NNMT: variants seen among roughly 807,000 people sequenced by gnomAD.
NNMT encodes the protein nicotinamide N-methyltransferase.
In NNMT, 10 loss-of-function variants were observed where a neutral mutation model predicts 11.7. That is an observed-to-expected ratio of 0.85 (90% CI 0.53 to 1.45). NNMT has a LOEUF of 1.45. Among genes scored for constraint, NNMT ranks in the 40% most tolerant of loss-of-function variants. NNMT has a pLI of 0.00. For missense variants in NNMT, 381 were observed against 319.4 expected, an observed-to-expected ratio of 1.19 and a Z score of -1.47; for synonymous variants, 143 against 133.8, an observed-to-expected ratio of 1.07 and a Z score of -0.48.
At chr11:114,297,339 A>G (rs1374548406) in intron 1 of NNMT, 2 of 151,332 alleles carry the variant, frequency 1.3e-5, no homozygotes, top group African/African-American at 4.9e-5. Flanking sequence ...TTTCTTTTTG[A>G]CTTTAAATTT....
At chr11:114,260,986 A>T (rs1470087922) in intron 1 of NNMT, among the ~76,000 whole-genome samples, 1 of 152,200 alleles carries the variant, frequency 6.6e-6, no homozygotes, top group Non-Finnish European at 1.5e-5. Flanking sequence ...ACCCATCCTC[A>T]GGACAATTGT....
At chr11:114,264,976 C>T (rs1267621429) in intron 2 of NNMT, among the ~76,000 whole-genome samples, 1 of 152,114 alleles carries the variant, frequency 6.6e-6, no homozygotes, top group African/African-American at 2.4e-5. Flanking sequence ...TTTATGGAAG[C>T]TTCATTATAT....
At chr11:114,307,788 C>G (rs1395185475) in intron 2 of NNMT, among the ~76,000 whole-genome samples, 2 of 151,972 alleles carry the variant, frequency 1.3e-5, no homozygotes, top group African/African-American at 2.4e-5. Flanking sequence ...CTCCCGCCCT[C>G]CCTGCTTGCT....
At chr11:114,288,165 T>A (rs960946297) in intron 2 of NNMT, among the ~76,000 whole-genome samples, 2 of 152,206 alleles carry the variant, frequency 1.3e-5, no homozygotes, top group Admixed American at 1.3e-4. Flanking sequence ...TGTTATCTGC[T>A]AATAGTAACA....
chr11:114,294,080 A>C (rs770734033), upstream of NNMT, among the ~76,000 whole-genome samples: 1 of 152,176 alleles, frequency 6.6e-6, no homozygotes, highest in Non-Finnish European at 1.5e-5. Context: ...GGGAGCTAAA[A>C]ACTAAAATAA....
At chr11:114,268,960 G>C (rs1257299215) in intron 2 of NNMT, among the ~76,000 whole-genome samples, 2 of 152,076 alleles carry the variant, frequency 1.3e-5, no homozygotes, top group African/African-American at 4.8e-5. Context: ...ATGGCCAGAA[G>C]AAAAATTTCT....
upstream of NNMT, among the ~76,000 whole-genome samples, chr11:114,291,535 G>A (rs1416462964): frequency 6.6e-6 from 1 of 152,020 alleles, no homozygotes; most frequent in Non-Finnish European, 1.5e-5. Flanking sequence ...TGTTTCTGAG[G>A]TCTGGTTGTG....
chr11:114,296,636 T>A lies in NNMT; in HGVS notation c.80T>A (p.Phe27Tyr). ...PRDYLEKYYK[F>Y]GSRHSAESQI... ...GATTACCTAGAAAAATATTACAAGT[T>A]TGGTTCTAGGCACTCTGCAGAAAGC... The change falls in exon 1 of 3, where the codon TTT becomes TAT. Residue 27 changes from phenylalanine to tyrosine, a missense_variant. By Grantham distance (22) the Phe-to-Tyr change is conservative (BLOSUM62 3). Coordinates refer to ENST00000299964, the MANE Select transcript of NNMT (RefSeq NM_006169.3). 1 of 1,614,144 alleles carries A rather than the reference T, an allele frequency of 6.2e-7. No individual in the cohort carries two copies. Among genetic ancestry groups the A allele is most frequent in the Non-Finnish European group, 8.5e-7 (1 of 1,180,012 alleles).
In NNMT at chr11:114,296,639, G is replaced by T. The variant is rs1220876738; in HGVS notation, c.83G>T (p.Gly28Val). 3.7e-6 allele frequency: 6 copies of T among 1,614,018 alleles called. No homozygotes were observed. The East Asian group carries it at 8.9e-5, about 24-fold the overall frequency. Reference protein sequence around the residue: ...RDYLEKYYKFGSRHSAESQIL... With the variant: ...RDYLEKYYKFVSRHSAESQIL... ...TACCTAGAAAAATATTACAAGTTTG[G>T]TTCTAGGCACTCTGCAGAAAGCCAG... Residue 28 changes from glycine to valine, a missense_variant, in exon 1 of 3, where the codon GGT becomes GTT. Transcript: ENST00000299964.
intron 1 of NNMT, among the ~76,000 whole-genome samples, chr11:114,261,515 T>C (rs764552524): frequency 6.6e-6 from 1 of 152,002 alleles, no homozygotes; most frequent in Non-Finnish European, 1.5e-5. Flanking sequence ...ACCCGGGAGA[T>C]GGAGGTTGCG....
chr11:114,299,855 C>T (rs547557662), intron 2 of NNMT, among the ~76,000 whole-genome samples: 2 of 147,848 alleles, frequency 1.4e-5, no homozygotes, highest in African/African-American at 5.0e-5. Context: ...CTGTAGTGAT[C>T]TCTCCTCTTT....
Position 114,312,159 on chromosome 11 carries a change from C to T in NNMT, c.477C>T (p.Cys159=), listed in dbSNP as rs144377328. 22 of 1,614,046 alleles carry T rather than the reference C, an allele frequency of 1.4e-5. No individual in the cohort carries two copies. Among genetic ancestry groups the T allele is most frequent in the East Asian group, 4.5e-5 (2 of 44,894 alleles). Residue 159 remains cysteine, a synonymous_variant, in exon 3 of 3, where the codon TGC becomes TGT. Coordinates refer to ENST00000299964, the MANE Select transcript of NNMT (RefSeq NM_006169.3). ...LGAVPLPPAD[C]VLSTLCLDAA... ...CCGTCCCCTTACCCCCGGCTGACTG[C>T]GTGCTCAGCACACTGTGTCTGGATG... is the stretch of plus-strand genomic sequence containing the variant.
chr11:114,259,309 C>T (rs916175899), intron 1 of NNMT, among the ~76,000 whole-genome samples: 1 of 151,884 alleles, frequency 6.6e-6, no homozygotes, highest in African/African-American at 2.4e-5. Flanking sequence ...CGCTCGGGCA[C>T]CTCCCCAGGA....
chr11:114,300,328 G>T (rs1945426242), intron 2 of NNMT, among the ~76,000 whole-genome samples: 1 of 151,926 alleles, frequency 6.6e-6, no homozygotes, highest in South Asian at 2.1e-4. Flanking sequence ...GAATTATTTA[G>T]AATTATGTTG....
chr11:114,309,102 G>A (rs1316510566), intron 2 of NNMT, among the ~76,000 whole-genome samples: 5 of 152,186 alleles, frequency 3.3e-5, no homozygotes, highest in South Asian at 2.1e-4. Flanking sequence ...GGATCATCCC[G>A]AAACACATCC....
intron 2 of NNMT, among the ~76,000 whole-genome samples, chr11:114,308,423 G>T (rs551013608): frequency 6.6e-6 from 1 of 152,120 alleles, no homozygotes; most frequent in Non-Finnish European, 1.5e-5. Flanking sequence ...AGGAGGAACC[G>T]CCTCTAAATC....
rs771908773 is a variant in NNMT, at chr11:114,312,407, A to G, written c.725A>G (p.Tyr242Cys). The G allele has an allele frequency of 3.7e-6, 6 of 1,614,220 alleles. No individual in the cohort carries two copies. The Admixed American group carries it at 1.0e-4, about 27-fold the overall frequency. Residue 242 changes from tyrosine to cysteine, a missense_variant, in exon 3 of 3, where the codon TAT (tyrosine) becomes TGT (cysteine). By Grantham distance (194) the Tyr-to-Cys change is radical (BLOSUM62 -2). Transcript: ENST00000299964. ...IEWFEVISQS[Y>C]SSTMANNEGL... ...TGGTTTGAGGTGATCTCGCAAAGTT[A>G]TTCTTCCACCATGGCCAACAACGAA... is the stretch of plus-strand genomic sequence containing the variant.
chr11:114,291,070 T>C (rs1237816879), intron 2 of NNMT, among the ~76,000 whole-genome samples: 2 of 152,242 alleles, frequency 1.3e-5, no homozygotes, highest in African/African-American at 4.8e-5. Context: ...CTTCTAAACA[T>C]AGTCCTTCCT....
intron 2 of NNMT, among the ~76,000 whole-genome samples, chr11:114,276,062 C>G (rs1302472949): frequency 6.6e-6 from 1 of 152,150 alleles, no homozygotes; most frequent in Non-Finnish European, 1.5e-5. Flanking sequence ...ACCTGCAGTC[C>G]TGCCCCTGGC....
Sources: allele counts gnomAD v4.1 joint callset (sites outside exome capture counted in the v4.1 genomes callset), GRCh38; gene constraint gnomAD v4.1.1; transcripts MANE v1.5; gene names NCBI Gene and HGNC (gene_info 2026-07-23, HGNC 2026-07-21).